Variants in GOLPH3L observed in about 807,000 individuals in gnomAD.
GOLPH3L encodes golgi phosphoprotein 3 like.
A neutral mutation model predicts 30.3 loss-of-function variants in GOLPH3L; 22 were observed. The observed-to-expected ratio is 0.73, with a 90% CI of 0.52 to 1.04. GOLPH3L has a LOEUF of 1.04. GOLPH3L is among the 50% of genes least tolerant of loss of function. The pLI, the probability that GOLPH3L is intolerant of heterozygous loss-of-function variation, is 0.00. For missense variants in GOLPH3L, 303 were observed against 345.8 expected (o/e 0.88, Z 0.98); for synonymous variants, 120 against 128.2 (o/e 0.94, Z 0.43).
intron 4 of GOLPH3L, among the ~76,000 whole-genome samples, chr1:150,650,598 C>T (rs986487454): frequency 2.0e-5 from 3 of 152,216 alleles, no homozygotes; most frequent in Admixed American, 6.6e-5. Flanking sequence ...AGTGTGAACC[C>T]TATTGTGAAC....
intron 2 of GOLPH3L, among the ~76,000 whole-genome samples, chr1:150,681,850 T>G (rs1175374964): frequency 6.6e-6 from 1 of 152,088 alleles, no homozygotes; most frequent in Non-Finnish European, 1.5e-5. Flanking sequence ...GTGGATCACC[T>G]GAGGCCATGA....
At chr1:150,680,451 CT>C (rs1248843175) in intron 2 of GOLPH3L, among the ~76,000 whole-genome samples, 2 of 152,044 alleles carry the variant, frequency 1.3e-5, no homozygotes, top group East Asian at 1.9e-4. Flanking sequence ...ATCGTATTTA[CT>C]TTTTTTTCAT....
In GOLPH3L at chr1:150,646,462, A is replaced by G. The variant is rs1181176690; in HGVS notation, c.*1859T>C. The G allele has an allele frequency of 6.6e-6, 1 of 152,246 alleles. No homozygotes were observed. The highest frequency in any genetic ancestry group is 1.9e-4 in the East Asian group (1 of 5,202). The allele number at this position is 152,246 out of a possible 1,614,324, so 9.4% of individuals were successfully genotyped here. A position where few individuals can be genotyped will look rare whatever the true frequency, so the allele number is the denominator to read the frequency against. On this transcript the variant is annotated 3_prime_UTR_variant, in exon 5 of 5. Coordinates refer to ENST00000271732, the MANE Select transcript of GOLPH3L (RefSeq NM_018178.6). ...TTTCAATTCATGCCGAATTGTTCAA[A>G]GAAAAGAAAAAGCTAAATCAGTTAG...
intron 2 of GOLPH3L, among the ~76,000 whole-genome samples, chr1:150,687,505 G>A (rs1651112665): frequency 6.6e-6 from 1 of 151,846 alleles, no homozygotes; most frequent in African/African-American, 2.4e-5. Flanking sequence ...AACGCGGGAG[G>A]CAGAGGTTGC....
chr1:150,686,656 A>G (rs1651093129), intron 2 of GOLPH3L, among the ~76,000 whole-genome samples: 1 of 152,234 alleles, frequency 6.6e-6, no homozygotes, highest in African/African-American at 2.4e-5. Flanking sequence ...CAAAATATGG[A>G]GGCAAAAGTG....
At chr1:150,658,140 C>T (rs1029787002) in intron 4 of GOLPH3L, among the ~76,000 whole-genome samples, 1 of 152,180 alleles carries the variant, frequency 6.6e-6, no homozygotes, top group African/African-American at 2.4e-5. Context: ...ATCCCGAGGA[C>T]CCCCCGGTTG....
chr1:150,696,666 G>C (rs1651363100), intron 1 of GOLPH3L, among the ~76,000 whole-genome samples: 1 of 151,830 alleles, frequency 6.6e-6, no homozygotes, highest in African/African-American at 2.4e-5. Context: ...TGGGAGGTGG[G>C]AAGAAAAGTG....
chr1:150,682,868 G>A (rs587671316), intron 2 of GOLPH3L, among the ~76,000 whole-genome samples: 2 of 152,126 alleles, frequency 1.3e-5, no homozygotes, highest in South Asian at 4.2e-4. Context: ...TTGGACAACT[G>A]TGAATAGGTA....
intron 2 of GOLPH3L, among the ~76,000 whole-genome samples, chr1:150,686,303 C>G (rs1651085304): frequency 6.6e-6 from 1 of 152,174 alleles, no homozygotes; most frequent in South Asian, 2.1e-4. Context: ...CAGCTTCGAA[C>G]TCCTGGGCTC....
chr1:150,668,804 G>A (rs587697263), intron 2 of GOLPH3L, among the ~76,000 whole-genome samples: 9 of 152,086 alleles, frequency 5.9e-5, no homozygotes, highest in Admixed American at 2.6e-4. Context: ...TTCAGAACAC[G>A]TAATTATGTA....
intron 4 of GOLPH3L, among the ~76,000 whole-genome samples, chr1:150,659,298 C>T (rs1230888782): frequency 6.6e-6 from 1 of 152,204 alleles, no homozygotes; most frequent in Non-Finnish European, 1.5e-5. Context: ...ATCTCTGCAG[C>T]ACTGTGACAT....
At chr1:150,653,911 C>T (rs1461571666) in intron 4 of GOLPH3L, among the ~76,000 whole-genome samples, 2 of 151,730 alleles carry the variant, frequency 1.3e-5, no homozygotes, top group Admixed American at 6.6e-5. Context: ...TACAGGTGCC[C>T]ACCACCACGC....
intron 3 of GOLPH3L, 78 bp from the exon 4 acceptor site, chr1:150,662,006 T>C: frequency 1.3e-6 from 1 of 752,722 alleles, no homozygotes; most frequent in Admixed American, 1.9e-5. Context: ...ATCATGTATA[T>C]GTTACTGGTT....
chr1:150,686,579 A>G (rs1423344538), intron 2 of GOLPH3L, among the ~76,000 whole-genome samples: 1 of 152,212 alleles, frequency 6.6e-6, no homozygotes, highest in Non-Finnish European at 1.5e-5. Flanking sequence ...CTATAAAGAG[A>G]ATGATACCTG....
intron 2 of GOLPH3L, among the ~76,000 whole-genome samples, chr1:150,678,298 A>AAAAAAAAAAAG: frequency 6.6e-6 from 1 of 150,718 alleles, no homozygotes; most frequent in Non-Finnish European, 1.5e-5. Context: ...AAAAAAAAAA[A>AAAAAAAAAAAG]AAAAAAAAAG....
chr1:150,648,319 C>T lies in GOLPH3L; in HGVS notation c.*2G>A. The T allele has an allele frequency of 6.3e-7, 1 of 1,584,040 alleles. No individual in the cohort carries two copies. Among genetic ancestry groups the T allele is most frequent in the Non-Finnish European group, 8.6e-7 (1 of 1,162,078 alleles). On this transcript the variant is annotated 3_prime_UTR_variant, in exon 5 of 5. Transcript: ENST00000271732. ...GGAAAAGGAGAAATCCACCTGCCGGCTTTAAGATTTATTGAAGGCTGCCAG... is the reference window on the plus strand; with the variant it reads ...GGAAAAGGAGAAATCCACCTGCCGGTTTTAAGATTTATTGAAGGCTGCCAG...
Position 150,663,654 on chromosome 1 carries a change from T to C in GOLPH3L, c.293A>G (p.Lys98Arg), listed in dbSNP as rs139457115. 1,540 of 1,613,710 alleles carry C rather than the reference T, an allele frequency of 9.5e-4. 6 individuals are homozygous for C. The highest frequency in any genetic ancestry group is 1.2e-3 in the Non-Finnish European group (1,360 of 1,179,698). Reference protein sequence around the residue: ...RIYLEPPTMRKKRLLDRKVLL... With the variant: ...RIYLEPPTMRRKRLLDRKVLL... Reference sequence around the variant, plus strand: ...TACCTTTCTGTCTAGTAGTCGCTTCTTACGCATGGTCGGGGGTTCCAGATA... The same window carrying C: ...TACCTTTCTGTCTAGTAGTCGCTTCCTACGCATGGTCGGGGGTTCCAGATA... Residue 98 changes from lysine to arginine, a missense_variant, in exon 3 of 5, where the codon AAG (lysine) becomes AGG (arginine). Coordinates refer to ENST00000271732, the MANE Select transcript of GOLPH3L (RefSeq NM_018178.6).
chr1:150,689,315 C>G (rs967566623), intron 2 of GOLPH3L, among the ~76,000 whole-genome samples: 2 of 152,148 alleles, frequency 1.3e-5, no homozygotes, highest in Non-Finnish European at 2.9e-5. Flanking sequence ...TTGGCTTACT[C>G]CCCTTACAGG....
intron 2 of GOLPH3L, among the ~76,000 whole-genome samples, chr1:150,675,970 C>CCCTTCCTTT (rs1557786125): frequency 1.4e-5 from 2 of 147,660 alleles, no homozygotes; most frequent in African/African-American, 4.9e-5. Flanking sequence ...CTCCCTCCCT[C>CCCTTCCTTT]CCTTCCTTTT....
Sources: gnomAD v4.1 joint callset for allele counts (sites outside exome capture counted in the v4.1 genomes callset) on GRCh38, gnomAD v4.1.1 for gene constraint, MANE v1.5 for transcripts, NCBI Gene and HGNC (gene_info 2026-07-23, HGNC 2026-07-21) for gene names.